Variants in DPP6 observed in about 807,000 individuals in gnomAD.
DPP6 encodes the protein dipeptidyl peptidase like 6, also known as A-type potassium channel modulatory protein DPP6.
A neutral mutation model predicts 122.6 loss-of-function variants in DPP6; 69 were observed. That is an observed-to-expected ratio of 0.56 (90% CI 0.46 to 0.69). The LOEUF (loss-of-function observed/expected upper bound fraction) is 0.69, where lower values mean the gene tolerates loss of function less well. Among genes scored for constraint, DPP6 ranks in the 30% least tolerant of loss-of-function variants. The pLI, the probability that DPP6 is intolerant of heterozygous loss-of-function variation, is 0.00. For missense variants in DPP6, 928 were observed against 1,116.9 expected (o/e 0.83, Z 2.41); for synonymous variants, 418 against 433.1 (o/e 0.97, Z 0.43).
At chr7:154,332,299 T>G (rs1809018099) in intron 1 of DPP6, among the ~76,000 whole-genome samples, 1 of 152,232 alleles carries the variant, frequency 6.6e-6, no homozygotes, top group Admixed American at 6.5e-5. Context: ...CTCAAACTCC[T>G]GGCCTCAGGT....
chr7:153,868,002 G>A, the DPP6 span, among the ~76,000 whole-genome samples: 753 of 152,134 alleles, frequency 4.9e-3, 5 homozygotes, highest in Non-Finnish European at 8.6e-3. Flanking sequence ...GGATGAAGCC[G>A]ACTTGATCAT....
intron 1 of DPP6, among the ~76,000 whole-genome samples, chr7:154,288,624 G>A (rs1028823240): frequency 6.6e-6 from 1 of 152,172 alleles, no homozygotes; most frequent in African/African-American, 2.4e-5. Flanking sequence ...TCTGCATGGA[G>A]GCCATGATTC....
chr7:154,800,765 C>T lies in DPP6; in HGVS notation c.1300-590C>T, dbSNP rs376125794. 2.6e-4 allele frequency among the ~76,000 whole-genome samples: 40 copies of T among 152,308 alleles called. 1 individual carries two copies. In the South Asian group the frequency reaches 6.6e-3, roughly 25 times the overall value. Reference sequence around the variant, plus strand: ...CCCCTCCCACCTGTGTTTTAGAACCCGTGGCATTTGTCCTTGTGTTTATTT... The same window carrying T: ...CCCCTCCCACCTGTGTTTTAGAACCTGTGGCATTTGTCCTTGTGTTTATTT... On this transcript the variant is annotated intron_variant, in intron 12 of 25. Coordinates refer to ENST00000377770, the MANE Select transcript of DPP6 (RefSeq NM_130797.4).
At chr7:154,326,172 C>A (rs1041594746) in intron 1 of DPP6, among the ~76,000 whole-genome samples, 4 of 152,092 alleles carry the variant, frequency 2.6e-5, no homozygotes, top group African/African-American at 4.8e-5. Flanking sequence ...TAACTGTAGG[C>A]AATAAAACAT....
At chr7:154,291,371 C>T (rs1805200740) in intron 1 of DPP6, among the ~76,000 whole-genome samples, 1 of 152,136 alleles carries the variant, frequency 6.6e-6, no homozygotes, top group African/African-American at 2.4e-5. Context: ...AGGACACAGC[C>T]CCTACCCCTA....
At chr7:154,221,337 C>T (rs981548779) in intron 1 of DPP6, among the ~76,000 whole-genome samples, 1 of 152,098 alleles carries the variant, frequency 6.6e-6, no homozygotes, top group African/African-American at 2.4e-5. Context: ...GGTGGGGTTT[C>T]ACCATGTTGG....
intron 1 of DPP6, among the ~76,000 whole-genome samples, chr7:154,438,469 C>CAAAAAAAAAAAAAAAAAAAAAAAAAA: frequency 2.7e-5 from 1 of 37,464 alleles, no homozygotes; most frequent in Non-Finnish European, 4.8e-5. Context: ...GACTCCAACT[C>CAAAAAAAAAAAAAAAAAAAAAAAAAA]AAAAAAAAAA....
Position 154,887,719 on chromosome 7 carries a change from C to G in DPP6, c.2289C>G (p.Asp763Glu). Residue 763 changes from aspartate (D) to glutamate (E), a missense_variant, in exon 23 of 26, where the codon GAC becomes GAG. Physicochemically the swap from Asp to Glu is conservative, Grantham distance 45. Transcript: ENST00000377770. ...GGTACTTGGGCCTCCATGGACTTGA[C>G]AACAGAGCATACGAGGTGTGTATGG... The part of the protein sequence containing the change: ...SERYLGLHGL[D>E]NRAYEMTKVA... 6.2e-7 allele frequency: 1 copy of G among 1,613,882 alleles called. No homozygotes were observed.
chr7:154,366,755 T>TA (rs529081316), intron 1 of DPP6, among the ~76,000 whole-genome samples: 25 of 152,094 alleles, frequency 1.6e-4, no homozygotes, highest in South Asian at 4.2e-4. Flanking sequence ...TTAAATGGGA[T>TA]AAAAAAAATC....
chr7:153,815,310 C>T, the DPP6 span, among the ~76,000 whole-genome samples: 1,021 of 152,204 alleles, frequency 6.7e-3, 13 homozygotes, highest in African/African-American at 0.024. Flanking sequence ...TCTTATACAC[C>T]AGTAACAGAC....
At chr7:154,137,658 T>TTGGG (rs1795633435) in intron 1 of DPP6, among the ~76,000 whole-genome samples, 1 of 48,384 alleles carries the variant, frequency 2.1e-5, no homozygotes, top group African/African-American at 7.4e-5. Context: ...GGTGGGGGGG[T>TTGGG]GGGGGGGGTG....
At chr7:154,389,146 G>A (rs569215508) in intron 1 of DPP6, among the ~76,000 whole-genome samples, 9 of 152,244 alleles carry the variant, frequency 5.9e-5, no homozygotes, top group East Asian at 1.9e-4. Flanking sequence ...ATGTAGAAAC[G>A]TCGATAAATT....
intron 1 of DPP6, among the ~76,000 whole-genome samples, chr7:154,354,609 T>G (rs1425917812): frequency 6.6e-6 from 1 of 152,258 alleles, no homozygotes; most frequent in Non-Finnish European, 1.5e-5. Context: ...CCATTCGGTT[T>G]GGCTTGCTTT....
intron 1 of DPP6, among the ~76,000 whole-genome samples, chr7:153,928,211 T>G (rs1800995038): frequency 6.7e-6 from 1 of 149,458 alleles, no homozygotes; most frequent in South Asian, 2.1e-4. Context: ...TTTCTTTTCT[T>G]TTTTTCTTTT....
intron 8 of DPP6, among the ~76,000 whole-genome samples, chr7:154,740,298 C>CT (rs11286104): frequency 0.058 from 8,347 of 143,410 alleles, 696 homozygotes; most frequent in African/African-American, 0.19. Context: ...ACTCTAATTT[C>CT]TTTTTTTTTT....
chr7:154,145,787 G>T (rs1563245587), intron 1 of DPP6, among the ~76,000 whole-genome samples: 2 of 48,786 alleles, frequency 4.1e-5, no homozygotes, highest in East Asian at 1.0e-3. Context: ...TCCACCCAAT[G>T]CATATTGAAA....
chr7:154,124,773 T>A (rs931797166), intron 1 of DPP6, among the ~76,000 whole-genome samples: 1 of 152,162 alleles, frequency 6.6e-6, no homozygotes, highest in Non-Finnish European at 1.5e-5. Flanking sequence ...GGGGTAAGTG[T>A]GCAGGGCCGG....
intron 3 of DPP6, among the ~76,000 whole-genome samples, chr7:154,503,459 A>G (rs12703359): frequency 0.11 from 16,112 of 152,276 alleles, 876 homozygotes; most frequent in Middle Eastern, 0.14. Context: ...TTATGTAACT[A>G]CTGGAGGCAA....
At chr7:153,939,718 C>T (rs929662702) in intron 1 of DPP6, among the ~76,000 whole-genome samples, 4 of 152,192 alleles carry the variant, frequency 2.6e-5, no homozygotes, top group Non-Finnish European at 4.4e-5. Flanking sequence ...TCCATGCTCT[C>T]ATATGAAAGA....
Sources: allele counts gnomAD v4.1 joint callset (sites outside exome capture counted in the v4.1 genomes callset), GRCh38; gene constraint gnomAD v4.1.1; transcripts MANE v1.5; gene names NCBI Gene and HGNC (gene_info 2026-07-23, HGNC 2026-07-21).